The following UBASH3A variants were observed in gnomAD, a reference collection of about 807,000 sequenced individuals.
UBASH3A encodes the protein ubiquitin associated and SH3 domain containing A.
A neutral mutation model predicts 73.5 loss-of-function variants in UBASH3A; 63 were observed. The ratio of observed to expected loss-of-function variants is 0.86; its 90% CI spans 0.70 to 1.06. The LOEUF is 1.06. UBASH3A is among the 50% of genes least tolerant of loss of function. The pLI is 0.00. For synonymous variants in UBASH3A, 363 were observed against 351.1 expected (o/e 1.03, Z -0.38); for missense variants, 860 against 859.0 (o/e 1.00, Z -0.02).
intron 11 of UBASH3A, among the ~76,000 whole-genome samples, chr21:42,438,964 A>G (rs1474634596): frequency 1.3e-5 from 2 of 152,076 alleles, no homozygotes; most frequent in Non-Finnish European, 2.9e-5. Flanking sequence ...CGGGGCCACG[A>G]GGGGCCGGGA....
intron 13 of UBASH3A, among the ~76,000 whole-genome samples, chr21:42,444,324 G>A (rs1413288018): frequency 3.9e-5 from 6 of 152,176 alleles, no homozygotes; most frequent in African/African-American, 1.4e-4. Flanking sequence ...AGGCTGGTGG[G>A]CAGCTGCTGC....
Position 42,418,599 on chromosome 21 carries a change from G to A in UBASH3A, c.1036G>A (p.Val346Met). The change falls in exon 7 of 15, where the codon GTG becomes ATG. Residue 346 changes from valine to methionine, a missense_variant. Physicochemically the swap from Val to Met is conservative, Grantham distance 21. Transcript: ENST00000319294. ...TCGAGCCAGTGAGTCTGACACGTGG[G>A]TGAAGCACAGGTGAGTGCTGCCTCT... Reference protein sequence around the residue: ...TDRASESDTWVKHRMYTFSLA... With the variant: ...TDRASESDTWMKHRMYTFSLA... The A allele has an allele frequency of 1.2e-6, 2 of 1,613,934 alleles. No homozygotes were observed. The highest frequency in any genetic ancestry group is 4.5e-5 in the East Asian group (2 of 44,886).
At chr21:42,437,731 G>C in intron 11 of UBASH3A, 151 bp downstream of exon 11, 2 of 692,860 alleles carry the variant, frequency 2.9e-6, no homozygotes, top group African/African-American at 1.8e-5. Context: ...GCCCTCCAAG[G>C]ATGCTGGCAG....
At chr21:42,417,501 C>CT (rs975034145) in intron 6 of UBASH3A, 1 of 144,344 alleles carries the variant, frequency 6.9e-6, no homozygotes, top group Non-Finnish European at 1.5e-5. Flanking sequence ...CTTATTAATT[C>CT]TTTTTTATTT....
intron 14 of UBASH3A, 47 bp from the exon 15 acceptor site, chr21:42,447,010 T>A (rs927272829): frequency 5.7e-6 from 9 of 1,582,316 alleles, no homozygotes; most frequent in Middle Eastern, 3.4e-4. Context: ...CTGAAATTGA[T>A]GGACTTGCTA....
rs572629786 is a variant in UBASH3A at position 42,413,760 on chromosome 21, C to T, written c.667+237C>T. Among the ~76,000 whole-genome samples the T allele has an allele frequency of 2.0e-5, 3 of 152,256 alleles. No individual in the cohort carries two copies. The East Asian group carries it at 5.8e-4, about 29-fold the overall frequency. ...GCCTTGAGTGGGAGACACACAAGTC[C>T]TACGTGACTTATTTCTGTATTTTCA... On this transcript the variant is annotated intron_variant, in intron 5 of 14. Coordinates refer to ENST00000319294, the MANE Select transcript of UBASH3A (RefSeq NM_018961.4). The surrounding 1 kb of genome is among the most constrained non-coding windows in gnomAD (Gnocchi z 4.5).
chr21:42,417,886 T>C (rs796086345), intron 6 of UBASH3A, among the ~76,000 whole-genome samples: 47 of 138,450 alleles, frequency 3.4e-4, no homozygotes, highest in Admixed American at 5.7e-4. Flanking sequence ...TTCTTTTTTT[T>C]TTTTTTTTTT....
chr21:42,426,839 T>C lies in UBASH3A; in HGVS notation c.1170+19T>C. 1 of 1,611,588 alleles carries C rather than the reference T, an allele frequency of 6.2e-7. No homozygotes were observed. The highest frequency in any genetic ancestry group is 8.5e-7 in the Non-Finnish European group (1 of 1,178,968). On this transcript the variant is annotated intron_variant, in intron 8 of 14. Transcript: ENST00000319294. ...CTTGCAGGTAATAGAACATTCCCTTTTTTCTTTTAAGTAAACTAAGCAAAA... is the reference window on the plus strand; with the variant it reads ...CTTGCAGGTAATAGAACATTCCCTTCTTTCTTTTAAGTAAACTAAGCAAAA...
chr21:42,424,575 T>C lies in UBASH3A; in HGVS notation c.1047-2122T>C, dbSNP rs1181843708. ...GGGACAAACAACAGGGGGGCTTGAG[T>C]GTGAGGGCTCGGGAGAATAAGTGCC... On this transcript the variant is annotated intron_variant, in intron 7 of 14. Transcript: ENST00000319294. Among the ~76,000 whole-genome samples the C allele has an allele frequency of 2.6e-5, 4 of 151,994 alleles. No homozygotes were observed. The South Asian group carries it at 8.3e-4, about 32-fold the overall frequency.
chr21:42,443,010 A>C (rs997837067), intron 12 of UBASH3A: 6 of 750,374 alleles, frequency 8.0e-6, no homozygotes, highest in Non-Finnish European at 1.1e-5. Flanking sequence ...CTCATTGAGA[A>C]GAAGGTTCAG....
chr21:42,436,696 C>T (rs1459070412), intron 10 of UBASH3A, among the ~76,000 whole-genome samples: 3 of 152,208 alleles, frequency 2.0e-5, no homozygotes, highest in Non-Finnish European at 4.4e-5. Context: ...ACTGAAACCT[C>T]GCTCATCAGC....
intron 13 of UBASH3A, 60 bp from the exon 14 acceptor site, chr21:42,444,474 G>A (rs1438178049): frequency 7.6e-7 from 1 of 1,323,490 alleles, no homozygotes; most frequent in African/African-American, 1.4e-5. Flanking sequence ...GGGGACCCCA[G>A]TCTAATAAAA....
chr21:42,434,440 C>T (rs1024981810), intron 9 of UBASH3A, among the ~76,000 whole-genome samples: 3 of 152,172 alleles, frequency 2.0e-5, no homozygotes, highest in Non-Finnish European at 2.9e-5. Flanking sequence ...AAGAAGGATA[C>T]GTTTAAAGCT....
In UBASH3A at chr21:42,447,084, G is replaced by A; in HGVS notation, c.1876G>A (p.Glu626Lys). The A allele has an allele frequency of 6.2e-7, 1 of 1,614,110 alleles. No homozygotes were observed. The change falls in exon 15 of 15, where the codon GAA becomes AAA. Residue 626 changes from glutamate (E) to lysine (K), a missense_variant. Transcript: ENST00000319294. Reference sequence around the variant, plus strand: ...CCCTTCCCTGGGCATGTGCTTCTGTGAAGAAAATAAAGAGGAAGGAAAATG... The same window carrying A: ...CCCTTCCCTGGGCATGTGCTTCTGTAAAGAAAATAAAGAGGAAGGAAAATG... ...KIPSLGMCFC[E>K]ENKEEGKWEL...
chr21:42,434,793 T>C, intron 9 of UBASH3A, 39 bp from the exon 10 acceptor site: 1 of 1,598,290 alleles, frequency 6.3e-7, no homozygotes, highest in Non-Finnish European at 8.5e-7. Flanking sequence ...CTGTACTAAC[T>C]TGATGAAACT....
intron 3 of UBASH3A, chr21:42,410,256 G>A: frequency 4.4e-6 from 3 of 684,066 alleles, no homozygotes; most frequent in Non-Finnish European, 8.0e-6. Context: ...GAAGGAGAAG[G>A]GAGAGACAGA....
At chr21:42,438,940 G>A (rs1455028022) in intron 11 of UBASH3A, among the ~76,000 whole-genome samples, 1 of 151,992 alleles carries the variant, frequency 6.6e-6, no homozygotes, top group Non-Finnish European at 1.5e-5. Flanking sequence ...TTGCACATGG[G>A]GCCACATCAG....
rs765635445 is a variant in UBASH3A, at chr21:42,443,280, A to C, written c.1632-32A>C. 3.1e-6 allele frequency: 5 copies of C among 1,599,002 alleles called. No homozygotes were observed. In the African/African-American group the frequency reaches 6.7e-5, roughly 21 times the overall value. ...CCTTCCTAATCCCTACGAAAGTGCC[A>C]GGGCAGCAGCCTCTCCTTCTCATCC... On this transcript the variant is annotated intron_variant, in intron 12 of 14. Transcript: ENST00000319294.
At chr21:42,410,212 G>A (rs893366138) in intron 3 of UBASH3A, 6 of 699,902 alleles carry the variant, frequency 8.6e-6, no homozygotes, top group African/African-American at 7.0e-5. Context: ...GCACCGGGAA[G>A]ACAAGAAGAA....
Sources: allele counts gnomAD v4.1 joint callset (sites outside exome capture counted in the v4.1 genomes callset), GRCh38; gene constraint gnomAD v4.1.1; non-coding constraint Gnocchi (gnomAD v3.1); transcripts MANE v1.5; gene names NCBI Gene and HGNC (gene_info 2026-07-23, HGNC 2026-07-21).